The following CP variants were observed in gnomAD, a reference collection of about 807,000 sequenced individuals.
The protein encoded by CP is caeruloplasmin.
A neutral mutation model predicts 122.4 loss-of-function variants in CP; 64 were observed. The observed-to-expected ratio is 0.52, with a 90% CI of 0.43 to 0.64. CP has a LOEUF of 0.64. Among genes scored for constraint, CP ranks in the 30% least tolerant of loss-of-function variants. The pLI is 0.00. For synonymous variants in CP, 440 were observed against 436.4 expected (o/e 1.01, Z -0.10); for missense variants, 1,167 against 1,284.4 (o/e 0.91, Z 1.40).
At chr3:149,205,222 T>A (rs562356162) in intron 6 of CP, among the ~76,000 whole-genome samples, 2 of 150,858 alleles carry the variant, frequency 1.3e-5, no homozygotes, top group African/African-American at 4.8e-5. Flanking sequence ...TAACAAGTGT[T>A]GATGAGAATG....
chr3:149,176,106 G>T, intron 18 of CP, 144 bp downstream of exon 18: 1 of 775,754 alleles, frequency 1.3e-6, no homozygotes. Context: ...ATCCTGTTTG[G>T]AGGTAGAGAA....
chr3:149,204,901 A>G (rs1727600231), intron 6 of CP, among the ~76,000 whole-genome samples: 1 of 152,232 alleles, frequency 6.6e-6, no homozygotes, highest in African/African-American at 2.4e-5. Flanking sequence ...ATCAAAGGAC[A>G]CTATCAAGAA....
intron 6 of CP, among the ~76,000 whole-genome samples, chr3:149,203,432 T>G (rs1319185134): frequency 6.6e-6 from 1 of 152,000 alleles, no homozygotes; most frequent in Non-Finnish European, 1.5e-5. Flanking sequence ...CTCAGCTAAT[T>G]TTTTGGTTTT....
chr3:149,164,750 C>T (rs541030063), intron 5 of CP, among the ~76,000 whole-genome samples: 2 of 152,316 alleles, frequency 1.3e-5, no homozygotes, highest in South Asian at 4.1e-4. Context: ...TGACCCGCAG[C>T]CCCTCCTTGG....
At chr3:149,218,959 A>G (rs993552560) in intron 1 of CP, among the ~76,000 whole-genome samples, 16 of 152,298 alleles carry the variant, frequency 1.1e-4, no homozygotes, top group African/African-American at 3.8e-4. Context: ...ATCATACGAT[A>G]AGAAGTGCCA....
chr3:149,209,474 T>C (rs1727964153), intron 3 of CP, 90 bp from the exon 4 acceptor site: 1 of 1,324,154 alleles, frequency 7.6e-7, no homozygotes, highest in Admixed American at 2.3e-5. Flanking sequence ...TTTAAAAATG[T>C]TAGTATTTAT....
At chr3:149,171,056 G>A, downstream of CP, among the ~76,000 whole-genome samples, 1 of 152,200 alleles carries the variant, frequency 6.6e-6, no homozygotes, top group East Asian at 1.9e-4. Flanking sequence ...AAGGCAGGCG[G>A]ATCATGAGGT....
At chr3:149,162,928 C>T (rs370942238) in intron 5 of CP, 12 of 1,355,976 alleles carry the variant, frequency 8.8e-6, no homozygotes, top group African/African-American at 5.8e-5. Flanking sequence ...TTGCCCATTA[C>T]AAAAACATAC....
intron 18 of CP, 106 bp from the exon 19 acceptor site, chr3:149,173,836 G>T: frequency 1.8e-6 from 1 of 551,474 alleles, no homozygotes; most frequent in Non-Finnish European, 3.3e-6. Flanking sequence ...CTTTACTCCT[G>T]ATTCATTTAT....
intron 9 of CP, among the ~76,000 whole-genome samples, chr3:149,191,506 A>G (rs1726548423): frequency 6.6e-6 from 1 of 151,480 alleles, no homozygotes; most frequent in Non-Finnish European, 1.5e-5. Context: ...CACAACCACT[A>G]GCCAATTCAT....
At chr3:149,165,009 CTCAGCCT>C (rs1559925354) in intron 5 of CP, among the ~76,000 whole-genome samples, 1 of 152,204 alleles carries the variant, frequency 6.6e-6, no homozygotes, top group Admixed American at 6.5e-5. Flanking sequence ...ATTGCTTAGA[CTCAGCCT>C]TCAGGTGGGG....
chr3:149,167,223 C>G (rs751213841), intron 4 of CP: 1 of 1,613,050 alleles, frequency 6.2e-7, no homozygotes. Context: ...TAATCATGAA[C>G]TGAAAGAAGA....
intron 9 of CP, among the ~76,000 whole-genome samples, chr3:149,189,662 A>G (rs138849296): frequency 2.8e-4 from 42 of 152,292 alleles, no homozygotes; most frequent in African/African-American, 8.4e-4. Flanking sequence ...TTTTGAGAAG[A>G]AAATATTATG....
chr3:149,196,702 G>A lies in CP; in HGVS notation c.1713+1665C>T, dbSNP rs549035333. On this transcript the variant is annotated intron_variant, in intron 9 of 18. Coordinates refer to ENST00000264613, the MANE Select transcript of CP (RefSeq NM_000096.4). Reference sequence around the variant, plus strand: ...CAGTGAATTGTAACACACCACATATGCTTAAATCCACGAGTGCACAATGCT... The same window carrying A: ...CAGTGAATTGTAACACACCACATATACTTAAATCCACGAGTGCACAATGCT... Among the ~76,000 whole-genome samples, 436 of 152,170 alleles carry A rather than the reference G, an allele frequency of 2.9e-3. 2 individuals carry two copies. Among genetic ancestry groups the A allele is most frequent in the African/African-American group, 9.7e-3 (404 of 41,524 alleles).
chr3:149,209,100 A>G (rs1559957418), intron 4 of CP, 111 bp downstream of exon 4: 8 of 1,369,680 alleles, frequency 5.8e-6, no homozygotes, highest in Non-Finnish European at 8.2e-6. Context: ...GCTTTGTTAT[A>G]AGGACCACAG....
intron 2 of CP, among the ~76,000 whole-genome samples, chr3:149,211,331 T>A (rs1200249603): frequency 6.6e-6 from 1 of 152,238 alleles, no homozygotes. Context: ...TGTATTCTTA[T>A]TATCTCTATT....
intron 14 of CP, among the ~76,000 whole-genome samples, chr3:149,181,718 G>A (rs555894385): frequency 8.5e-5 from 13 of 152,264 alleles, no homozygotes; most frequent in Middle Eastern, 6.8e-3. Context: ...TGCCATTTGA[G>A]CTGTGTTCTA....
chr3:149,217,881 TC>T, intron 1 of CP: 1 of 451,688 alleles, frequency 2.2e-6, no homozygotes, highest in Non-Finnish European at 4.5e-6. Flanking sequence ...GGTGGAATGT[TC>T]TTTGTTGTCT....
At chr3:149,191,278 T>C (rs1400696225) in intron 9 of CP, among the ~76,000 whole-genome samples, 1 of 150,750 alleles carries the variant, frequency 6.6e-6, no homozygotes, top group Non-Finnish European at 1.5e-5. Flanking sequence ...AACTGCTCAC[T>C]TTCTGAAGTT....
Sources: allele counts gnomAD v4.1 joint callset (sites outside exome capture counted in the v4.1 genomes callset), GRCh38; gene constraint gnomAD v4.1.1; transcripts MANE v1.5; gene names NCBI Gene and HGNC (gene_info 2026-07-23, HGNC 2026-07-21).